PRKCE: variants seen among roughly 807,000 people sequenced by gnomAD.
PRKCE encodes protein kinase C epsilon.
PRKCE carries 16 observed loss-of-function variants against 85.4 expected under a neutral mutation model. The ratio of observed to expected loss-of-function variants is 0.19; its 90% CI spans 0.13 to 0.28. The LOEUF (loss-of-function observed/expected upper bound fraction) is 0.28, where lower values mean the gene tolerates loss of function less well. Among genes scored for constraint, PRKCE ranks in the 10% least tolerant of loss-of-function variants. The probability of loss-of-function intolerance (pLI) is 1.00; values close to 1 mark genes in which losing one functional copy is unlikely to be tolerated. For missense variants in PRKCE, 573 were observed against 975.2 expected, an observed-to-expected ratio of 0.59 and a Z score of 5.49; for synonymous variants, 388 against 371.5, an observed-to-expected ratio of 1.04 and a Z score of -0.51.
chr2:45,827,215 C>A (rs1323755836), intron 1 of PRKCE, among the ~76,000 whole-genome samples: 1 of 152,260 alleles, frequency 6.6e-6, no homozygotes, highest in African/African-American at 2.4e-5. Flanking sequence ...CTGCTCCTCT[C>A]TCTGCACCAG....
chr2:45,716,690 A>AGAAGGAAGGAAGGAAGGAAGGAAG (rs750015013), intron 1 of PRKCE, among the ~76,000 whole-genome samples: 4 of 112,426 alleles, frequency 3.6e-5, no homozygotes, highest in Admixed American at 9.6e-5. Context: ...GAAGAAGAAG[A>AGAAGGAAGGAAGGAAGGAAGGAAG]GAAGGAAGGA....
At chr2:46,175,616 A>G (rs999185071) in intron 14 of PRKCE, among the ~76,000 whole-genome samples, 5 of 152,264 alleles carry the variant, frequency 3.3e-5, no homozygotes, top group Admixed American at 6.5e-5. Flanking sequence ...AGAAGCAGGC[A>G]TGGAATTCAG....
intron 11 of PRKCE, among the ~76,000 whole-genome samples, chr2:46,112,264 T>G (rs994501164): frequency 3.3e-5 from 5 of 152,188 alleles, no homozygotes; most frequent in African/African-American, 1.2e-4. Flanking sequence ...TCCCTTTACT[T>G]TGAACCTGTC....
At chr2:45,856,556 C>T (rs531303628) in intron 2 of PRKCE, among the ~76,000 whole-genome samples, 22 of 152,318 alleles carry the variant, frequency 1.4e-4, no homozygotes, top group Non-Finnish European at 2.9e-4. Flanking sequence ...CTGTTAATAG[C>T]ATTCAAGGTT....
At chr2:46,023,728 C>G (rs1350717833) in intron 10 of PRKCE, among the ~76,000 whole-genome samples, 1 of 152,092 alleles carries the variant, frequency 6.6e-6, no homozygotes, top group Non-Finnish European at 1.5e-5. Context: ...GTTACCGGTT[C>G]CAGTGAATAA....
At chr2:45,992,004 G>A (rs543279914) in intron 6 of PRKCE, among the ~76,000 whole-genome samples, 5 of 152,324 alleles carry the variant, frequency 3.3e-5, no homozygotes, top group Admixed American at 6.5e-5. Flanking sequence ...GCAAGGCGTC[G>A]TGGTGAACCT....
At chr2:45,884,997 A>ATTTTTTTTTTTT (rs1360794938) in intron 2 of PRKCE, among the ~76,000 whole-genome samples, 19 of 69,618 alleles carry the variant, frequency 2.7e-4, no homozygotes, top group Admixed American at 1.0e-3. Flanking sequence ...ATATATATAT[A>ATTTTTTTTTTTT]TATATTTGTT....
intron 1 of PRKCE, among the ~76,000 whole-genome samples, chr2:45,661,227 G>GGC (rs1321482927): frequency 2.0e-5 from 3 of 152,148 alleles, no homozygotes; most frequent in Non-Finnish European, 2.9e-5. Flanking sequence ...CTGTTGCCCA[G>GGC]GCTGGAGTGC....
intron 1 of PRKCE, among the ~76,000 whole-genome samples, chr2:45,724,604 C>T (rs1680903867): frequency 6.6e-6 from 1 of 152,170 alleles, no homozygotes; most frequent in African/African-American, 2.4e-5. Context: ...GTTGTGAATG[C>T]AAAGGAAAAG....
chr2:45,978,762 C>T lies in PRKCE; in HGVS notation c.573-214C>T, dbSNP rs768513104. 7.0e-5 allele frequency: 36 copies of T among 517,282 alleles called. 1 individual carries two copies. In the East Asian group the frequency reaches 1.0e-3, roughly 15 times the overall value. 32.0% of individuals were successfully genotyped at this position (517,282 alleles called of 1,614,324 possible). A position where few individuals can be genotyped will look rare whatever the true frequency, so the allele number is the denominator to read the frequency against. On this transcript the variant is annotated intron_variant, in intron 3 of 14. Coordinates refer to ENST00000306156, the MANE Select transcript of PRKCE (RefSeq NM_005400.3). ...AAATCAAGCTCTGATGCTGACCAAA[C>T]CTTGCACCTCCCCAAGCACTGGGAC...
At chr2:45,960,677 T>C (rs1202539437) in intron 2 of PRKCE, among the ~76,000 whole-genome samples, 1 of 152,224 alleles carries the variant, frequency 6.6e-6, no homozygotes, top group East Asian at 1.9e-4. Flanking sequence ...ACCAGTACTG[T>C]GGTCCCCTGG....
intron 10 of PRKCE, among the ~76,000 whole-genome samples, chr2:46,027,049 G>T (rs966912198): frequency 1.3e-5 from 2 of 152,122 alleles, no homozygotes; most frequent in African/African-American, 4.8e-5. Flanking sequence ...TGTGCCTGTT[G>T]TCCCAGCTAC....
intron 1 of PRKCE, among the ~76,000 whole-genome samples, chr2:45,696,441 G>A (rs953016718): frequency 6.6e-6 from 1 of 152,012 alleles, no homozygotes; most frequent in Non-Finnish European, 1.5e-5. Context: ...GGAGGCAGTG[G>A]AAGTGCACCC....
intron 11 of PRKCE, among the ~76,000 whole-genome samples, chr2:46,141,270 A>C: frequency 6.6e-6 from 1 of 152,260 alleles, no homozygotes; most frequent in East Asian, 1.9e-4. Context: ...GGATTATTAT[A>C]TAGCCACAAT....
At chr2:45,985,811 G>A (rs899567481) in intron 6 of PRKCE, among the ~76,000 whole-genome samples, 2 of 152,164 alleles carry the variant, frequency 1.3e-5, no homozygotes, top group African/African-American at 2.4e-5. Context: ...GCCTGAGCTG[G>A]GGACACCTTA....
intron 2 of PRKCE, among the ~76,000 whole-genome samples, chr2:45,911,373 TC>T (rs1239747852): frequency 6.6e-6 from 1 of 152,204 alleles, no homozygotes; most frequent in Non-Finnish European, 1.5e-5. Context: ...CGGGAGTGTT[TC>T]ACCTGCTCAG....
chr2:46,152,762 T>G (rs1043881374), intron 13 of PRKCE, among the ~76,000 whole-genome samples: 2 of 152,066 alleles, frequency 1.3e-5, no homozygotes, highest in African/African-American at 4.8e-5. Context: ...TTGGCCAGGC[T>G]GGTTCCGAAC....
At chr2:45,809,892 A>G (rs1038006638) in intron 1 of PRKCE, among the ~76,000 whole-genome samples, 1 of 151,748 alleles carries the variant, frequency 6.6e-6, no homozygotes, top group African/African-American at 2.4e-5. Flanking sequence ...AAAAAAAAAA[A>G]AGTCTGGGTA....
intron 1 of PRKCE, among the ~76,000 whole-genome samples, chr2:45,747,223 CAT>C (rs1460040471): frequency 6.6e-6 from 1 of 152,184 alleles, no homozygotes; most frequent in African/African-American, 2.4e-5. Context: ...TGACACATGG[CAT>C]AAAATTTATC....
Sources: gnomAD v4.1 joint callset for allele counts (sites outside exome capture counted in the v4.1 genomes callset) on GRCh38, gnomAD v4.1.1 for gene constraint, MANE v1.5 for transcripts, NCBI Gene and HGNC (gene_info 2026-07-23, HGNC 2026-07-21) for gene names.